Variants in ZNF462 observed in about 807,000 individuals in gnomAD.
The protein encoded by ZNF462 is zinc finger protein 462.
Under a neutral mutation model 201.9 loss-of-function variants are expected in ZNF462, and 10 were observed. The observed-to-expected ratio is 0.05, with a 90% CI of 0.03 to 0.08. ZNF462 has a LOEUF of 0.08. ZNF462 is among the 10% of genes least tolerant of loss of function. The pLI is 1.00. For missense variants in ZNF462, 2,523 were observed against 3,168.3 expected (o/e 0.80, Z 4.89); for synonymous variants, 1,227 against 1,193.3 (o/e 1.03, Z -0.58).
rs776005528 is a variant in ZNF462, at chr9:106,974,171, T to G, written c.6730T>G (p.Ser2244Ala). Residue 2244 changes from serine to alanine, a missense_variant, in exon 9 of 13, where the codon TCA becomes GCA. Physicochemically the swap from Ser to Ala is moderately conservative, Grantham distance 99. Transcript: ENST00000277225. The surrounding 1 kb of genome is among the most constrained non-coding windows in gnomAD (Gnocchi z 4.0). ...AFTMHVEAGH[S>A]AVPEEGPKDL... ...TACTATGCACGTGGAAGCTGGGCAC[T>G]CAGCAGTTCCCGAGGAGGGCCCCAA... The G allele has an allele frequency of 1.5e-5, 24 of 1,614,080 alleles. No individual in the cohort carries two copies. The highest frequency in any genetic ancestry group is 2.0e-5 in the Non-Finnish European group (24 of 1,180,036).
At position 106,972,925 on chromosome 9, in the gene ZNF462, T is replaced by A. The variant is rs970718185; in HGVS notation, c.6695+653T>A. 2.0e-5 allele frequency among the ~76,000 whole-genome samples: 3 copies of A among 152,218 alleles called. No homozygotes were observed. The highest frequency in any genetic ancestry group is 6.5e-5 in the Admixed American group (1 of 15,286). ...TGCATTTGAATCTCATCCTGTGAGA[T>A]AGCGTTTAGGTTAGTGGTTACAAGT... On this transcript the variant is annotated intron_variant, in intron 8 of 12. Transcript: ENST00000277225. The surrounding 1 kb of genome is among the most constrained non-coding windows in gnomAD (Gnocchi z 4.8).
intron 8 of ZNF462, among the ~76,000 whole-genome samples, chr9:106,973,836 C>T (rs889675088): frequency 6.6e-6 from 1 of 152,054 alleles, no homozygotes; most frequent in African/African-American, 2.4e-5. Context: ...TGTTTTGATA[C>T]TCTTAACAGA....
In ZNF462 at chr9:106,950,407, G is replaced by A. The variant is rs1831290634; in HGVS notation, c.6427+11300G>A. The stretch of plus-strand genomic sequence containing the variant: ...GTGAGCAGCTGTGTGGTTAGTAGCT[G>A]TGGCAATCACAAATTATTGTCCTTG... On this transcript the variant is annotated intron_variant, in intron 7 of 12. Coordinates refer to ENST00000277225, the MANE Select transcript of ZNF462 (RefSeq NM_021224.6). The surrounding 1 kb of genome is among the most constrained non-coding windows in gnomAD (Gnocchi z 4.1). Among the ~76,000 whole-genome samples the A allele has an allele frequency of 6.6e-6, 1 of 152,210 alleles. No individual in the cohort carries two copies. The highest frequency in any genetic ancestry group is 6.5e-5 in the Admixed American group (1 of 15,280).
intron 1 of ZNF462, among the ~76,000 whole-genome samples, chr9:106,874,202 C>T (rs984382122): frequency 6.6e-6 from 1 of 152,172 alleles, no homozygotes; most frequent in African/African-American, 2.4e-5. Flanking sequence ...GTTCTCTGGG[C>T]AGAATTTCTA....
intron 10 of ZNF462, among the ~76,000 whole-genome samples, chr9:106,991,423 C>A (rs1828260354): frequency 6.6e-6 from 1 of 151,858 alleles, no homozygotes; most frequent in Non-Finnish European, 1.5e-5. Context: ...GCAATATATA[C>A]CATGTTTATT....
At chr9:106,994,416 C>T (rs552044207) in intron 10 of ZNF462, among the ~76,000 whole-genome samples, 4 of 152,100 alleles carry the variant, frequency 2.6e-5, no homozygotes, top group Non-Finnish European at 4.4e-5. Context: ...GAGAAATAAA[C>T]GAAGAATCTT....
rs10978671 is a variant in ZNF462, at chr9:106,913,624, A to G, written c.-30-9730A>G. On this transcript the variant is annotated intron_variant, in intron 1 of 12. Coordinates refer to ENST00000277225, the MANE Select transcript of ZNF462 (RefSeq NM_021224.6). This position sits in a 1 kb window ranked among gnomAD's most constrained non-coding sequence, Gnocchi z 4.1. Reference sequence around the variant, plus strand: ...ACTTAACTTTTTTTTTTTTGAGACAATCTCATTCTGTGACCCAGGCTGGAG... The same window carrying G: ...ACTTAACTTTTTTTTTTTTGAGACAGTCTCATTCTGTGACCCAGGCTGGAG... Among the ~76,000 whole-genome samples, 20,611 of 139,508 alleles carry G rather than the reference A, an allele frequency of 0.15. 2,311 individuals are homozygous for G. Among genetic ancestry groups the G allele is most frequent in the African/African-American group, 0.24 (9,716 of 40,608 alleles). The allele number at this position is 139,508 out of a possible 152,430, so 91.5% of individuals were successfully genotyped here. A position where few individuals can be genotyped will look rare whatever the true frequency, so the allele number is the denominator to read the frequency against.
chr9:106,920,085 C>T lies in ZNF462; in HGVS notation c.-30-3269C>T, dbSNP rs1829928822. On this transcript the variant is annotated intron_variant, in intron 1 of 12. Transcript: ENST00000277225. This position sits in a 1 kb window ranked among gnomAD's most constrained non-coding sequence, Gnocchi z 4.3. ...ATAGCAGATCAGTGACTAGGTTAGC[C>T]TCTTAGGGTTGCTGCTCTTCGGGAT... Among the ~76,000 whole-genome samples the T allele has an allele frequency of 6.6e-6, 1 of 151,688 alleles. No individual in the cohort carries two copies. Among genetic ancestry groups the T allele is most frequent in the African/African-American group, 2.4e-5 (1 of 41,286 alleles).
chr9:106,949,717 G>A (rs1204612158), intron 7 of ZNF462, among the ~76,000 whole-genome samples: 1 of 151,996 alleles, frequency 6.6e-6, no homozygotes, highest in African/African-American at 2.4e-5. Flanking sequence ...CTCTTTTGGA[G>A]TATTCTTTTG....
rs1222400741 is a variant in ZNF462, at chr9:106,935,345, AAATT to A, written c.6117-147_6117-144del. Among the ~76,000 whole-genome samples the A allele has an allele frequency of 2.0e-5, 3 of 152,192 alleles. No individual in the cohort carries two copies. The highest frequency in any genetic ancestry group is 4.4e-5 in the Non-Finnish European group (3 of 68,046). ...CTCTTAGAGTAGGTACAACTCTTGA[AAATT>A]AATTAATTAAATTGATAAATGCCAT... On this transcript the variant is annotated intron_variant, in intron 5 of 12. Coordinates refer to ENST00000277225, the MANE Select transcript of ZNF462 (RefSeq NM_021224.6). The surrounding 1 kb of genome is among the most constrained non-coding windows in gnomAD (Gnocchi z 4.1).
Position 106,924,665 on chromosome 9 carries a change from G to A in ZNF462, c.753G>A (p.Gln251=). The part of the protein sequence containing the change: ...GNFCCEWCSY[Q]TPRRERWCDH... The stretch of plus-strand genomic sequence containing the variant: ...TTTGTTGTGAGTGGTGCAGCTACCA[G>A]ACCCCCCGCCGAGAACGCTGGTGTG... Residue 251 remains glutamine, a synonymous_variant, in exon 3 of 13, where the codon CAG becomes CAA. Transcript: ENST00000277225. This position sits in a 1 kb window ranked among gnomAD's most constrained non-coding sequence, Gnocchi z 6.2. The A allele has an allele frequency of 6.2e-7, 1 of 1,614,116 alleles. No individual in the cohort carries two copies. The highest frequency in any genetic ancestry group is 8.5e-7 in the Non-Finnish European group (1 of 1,180,012).
intron 7 of ZNF462, among the ~76,000 whole-genome samples, chr9:106,957,351 AGGCAT>A (rs1831626464): frequency 6.6e-6 from 1 of 152,138 alleles, no homozygotes; most frequent in South Asian, 2.1e-4. Flanking sequence ...CATCTTACAT[AGGCAT>A]GGTTCATGAC....
intron 10 of ZNF462, among the ~76,000 whole-genome samples, chr9:106,992,433 G>T (rs1371259420): frequency 2.0e-5 from 3 of 151,984 alleles, no homozygotes; most frequent in Non-Finnish European, 4.4e-5. Flanking sequence ...GAGCAGTTTG[G>T]CATTTGTTTA....
upstream of ZNF462, among the ~76,000 whole-genome samples, chr9:106,860,596 C>T (rs1390828856): frequency 2.6e-5 from 4 of 152,202 alleles, no homozygotes; most frequent in African/African-American, 9.6e-5. The surrounding 1 kb of genome is among the most constrained non-coding windows in gnomAD (Gnocchi z 7.1). Context: ...CTCCAAAACC[C>T]AGCAGTAATA....
At chr9:106,874,307 C>G (rs908811255) in intron 1 of ZNF462, among the ~76,000 whole-genome samples, 1 of 152,172 alleles carries the variant, frequency 6.6e-6, no homozygotes, top group Non-Finnish European at 1.5e-5. Flanking sequence ...CCTCAGAGAG[C>G]AGCCTGTCTC....
At chr9:106,994,587 C>G (rs1828549555) in intron 10 of ZNF462, among the ~76,000 whole-genome samples, 1 of 152,066 alleles carries the variant, frequency 6.6e-6, no homozygotes, top group Non-Finnish European at 1.5e-5. Context: ...CTGAAGGCTT[C>G]TCTAGAAGAC....
intron 7 of ZNF462, among the ~76,000 whole-genome samples, chr9:106,944,825 CT>C (rs1432292765): frequency 6.6e-6 from 1 of 152,122 alleles, no homozygotes; most frequent in Non-Finnish European, 1.5e-5. Flanking sequence ...TCTGTGCCGG[CT>C]TATTGGCAAT....
At chr9:106,982,861 A>G (rs1375121464) in intron 9 of ZNF462, among the ~76,000 whole-genome samples, 1 of 152,192 alleles carries the variant, frequency 6.6e-6, no homozygotes, top group African/African-American at 2.4e-5. Context: ...CACACTGGCC[A>G]GCAACAAAGG....
rs1307022980 is a variant in ZNF462 at position 106,927,903 on chromosome 9, T to C, written c.3991T>C (p.Tyr1331His). 2 of 1,614,164 alleles carry C rather than the reference T, an allele frequency of 1.2e-6. No individual in the cohort carries two copies. Among genetic ancestry groups the C allele is most frequent in the Non-Finnish European group, 1.7e-6 (2 of 1,180,038 alleles). ...HTEPNGLLLH[Y>H]QRRHPEHYVD... is the part of the protein sequence containing the mutation. ...GGAGCCCAACGGTTTGCTCCTGCAT[T>C]ACCAACGGAGGCATCCAGAACACTA... Residue 1331 changes from tyrosine (Y) to histidine (H), a missense_variant, in exon 3 of 13, where the codon TAC becomes CAC. Coordinates refer to ENST00000277225, the MANE Select transcript of ZNF462 (RefSeq NM_021224.6).
Sources: allele counts gnomAD v4.1 joint callset (sites outside exome capture counted in the v4.1 genomes callset), GRCh38; gene constraint gnomAD v4.1.1; non-coding constraint Gnocchi (gnomAD v3.1); transcripts MANE v1.5; gene names NCBI Gene and HGNC (gene_info 2026-07-23, HGNC 2026-07-21).